Variants in FAM111B observed in about 807,000 individuals in gnomAD.
FAM111B encodes serine protease FAM111B.
A neutral mutation model predicts 2.8 loss-of-function variants in FAM111B; 1 was observed. That is an observed-to-expected ratio of 0.36 (90% CI 0.13 to 1.70). The LOEUF is 1.70. Among genes scored for constraint, FAM111B ranks in the 40% most tolerant of loss-of-function variants. The pLI is 0.35. For synonymous variants in FAM111B, 297 were observed against 295.6 expected, an observed-to-expected ratio of 1.00 and a Z score of -0.05; for missense variants, 882 against 878.9, an observed-to-expected ratio of 1.00 and a Z score of -0.04.
Position 59,125,909 on chromosome 11 carries a change from C to T in FAM111B, c.1812C>T (p.Asn604=), listed in dbSNP as rs773236890. 10 of 1,613,650 alleles carry T rather than the reference C, an allele frequency of 6.2e-6. No homozygotes were observed. The East Asian group carries it at 6.7e-5, about 11-fold the overall frequency. ...PLNERLKKYP[N]DCQDGLVDLY... is the part of the protein sequence containing the mutation. ...ACGAACGATTGAAAAAATATCCAAACGATTGTCAAGATGGGTTGGTAGATC... is the reference window on the plus strand; with the variant it reads ...ACGAACGATTGAAAAAATATCCAAATGATTGTCAAGATGGGTTGGTAGATC... The change falls in exon 4 of 4, where the codon AAC becomes AAT. Residue 604 remains asparagine (N), a synonymous_variant. Coordinates refer to ENST00000343597, the MANE Select transcript of FAM111B (RefSeq NM_198947.4).
chr11:59,111,033 A>G (rs1215372692), intron 3 of FAM111B, among the ~76,000 whole-genome samples: 1 of 152,188 alleles, frequency 6.6e-6, no homozygotes, highest in Non-Finnish European at 1.5e-5. Context: ...ATTCAGTGGT[A>G]TACAGTTTCT....
At position 59,125,772 on chromosome 11, in the gene FAM111B, C is replaced by T; in HGVS notation, c.1675C>T (p.Pro559Ser). The change falls in exon 4 of 4, where the codon CCA (proline) becomes TCA (serine). Residue 559 changes from proline to serine, a missense_variant. Physicochemically the swap from Pro to Ser is moderately conservative, Grantham distance 74. Coordinates refer to ENST00000343597, the MANE Select transcript of FAM111B (RefSeq NM_198947.4). ...AAAAGAAAATGGAAATGCGTTTCCT[C>T]CAGGACTATGGCGACAGATTTCTCC... ...KLKENGNAFP[P>S]GLWRQISPQP... 3.1e-6 allele frequency: 5 copies of T among 1,613,850 alleles called. No individual in the cohort carries two copies. The highest frequency in any genetic ancestry group is 4.2e-6 in the Non-Finnish European group (5 of 1,179,852).
rs117789191 is a variant in FAM111B at position 59,122,813 on chromosome 11, C to T, written c.82-1366C>T. ...ATGAGGTGATAGGAGAGCCCCAAGACGAAAAGGAAATCACTATTCCTAAGA... is the reference window on the plus strand; with the variant it reads ...ATGAGGTGATAGGAGAGCCCCAAGATGAAAAGGAAATCACTATTCCTAAGA... On this transcript the variant is annotated intron_variant, in intron 3 of 3. Transcript: ENST00000343597. 1.2e-3 allele frequency among the ~76,000 whole-genome samples: 190 copies of T among 152,186 alleles called. 1 individual carries two copies. Among genetic ancestry groups the T allele is most frequent in the Non-Finnish European group, 1.0e-3 (71 of 68,004 alleles).
chr11:59,118,776 C>A, intron 3 of FAM111B, among the ~76,000 whole-genome samples: 1 of 120,766 alleles, frequency 8.3e-6, no homozygotes, highest in Admixed American at 9.2e-5. Context: ...GTCAGGCTTA[C>A]CAAATACTTT....
At chr11:59,108,482 C>A (rs1026086073) in intron 1 of FAM111B, among the ~76,000 whole-genome samples, 186 bp from the exon 2 acceptor site, 6 of 152,158 alleles carry the variant, frequency 3.9e-5, no homozygotes, top group Non-Finnish European at 7.3e-5. Context: ...ATCTGGAATT[C>A]CTACTGGTTT....
chr11:59,125,047 T>G lies in FAM111B; in HGVS notation c.950T>G (p.Val317Gly). 1 of 1,613,262 alleles carries G rather than the reference T, an allele frequency of 6.2e-7. No individual in the cohort carries two copies. Among genetic ancestry groups the G allele is most frequent in the Non-Finnish European group, 8.5e-7 (1 of 1,179,776 alleles). Residue 317 changes from valine to glycine, a missense_variant, in exon 4 of 4, where the codon GTA becomes GGA. By Grantham distance (109) the Val-to-Gly change is moderately radical. Transcript: ENST00000343597. Reference protein sequence around the residue: ...KPKKDGETKDVEHSREQILPP... With the variant: ...KPKKDGETKDGEHSREQILPP... Reference sequence around the variant, plus strand: ...AAGAAAGATGGAGAGACCAAAGATGTAGAACACAGCAGAGAGCAAATTCTC... The same window carrying G: ...AAGAAAGATGGAGAGACCAAAGATGGAGAACACAGCAGAGAGCAAATTCTC...
chr11:59,124,217 T>C lies in FAM111B; in HGVS notation c.120T>C (p.Val40=). 6.2e-7 allele frequency: 1 copy of C among 1,613,646 alleles called. No homozygotes were observed. ...AGCAGACACATGCTGACACACCTGT[T>C]GATCATTGTCTATCTGGCATAAGAA... ...VMKQTHADTP[V]DHCLSGIRKC... The change falls in exon 4 of 4, where the codon GTT becomes GTC. Residue 40 remains valine (V), a synonymous_variant. Coordinates refer to ENST00000343597, the MANE Select transcript of FAM111B (RefSeq NM_198947.4).
At chr11:59,122,699 G>A (rs926054873) in intron 3 of FAM111B, among the ~76,000 whole-genome samples, 1 of 152,174 alleles carries the variant, frequency 6.6e-6, no homozygotes, top group Admixed American at 6.5e-5. Flanking sequence ...AAGAGTAGAT[G>A]TCAAAGAGGC....
intron 3 of FAM111B, among the ~76,000 whole-genome samples, chr11:59,119,128 G>C (rs961692662): frequency 6.6e-6 from 1 of 152,138 alleles, no homozygotes; most frequent in Non-Finnish European, 1.5e-5. Flanking sequence ...ATATTTTTGG[G>C]TAGCTGATTT....
Position 59,124,313 on chromosome 11 carries a change from A to G in FAM111B, c.216A>G (p.Pro72=). Reference sequence around the variant, plus strand: ...AAACAGCCCTTGAAATGCAGAATCCAAATTTGAACAATAAAGAATGTTGTT... The same window carrying G: ...AAACAGCCCTTGAAATGCAGAATCCGAATTTGAACAATAAAGAATGTTGTT... ...KHETALEMQN[P]NLNNKECCFT... The change falls in exon 4 of 4, where the codon CCA becomes CCG. Residue 72 remains proline, a synonymous_variant. Transcript: ENST00000343597. 6.2e-7 allele frequency: 1 copy of G among 1,613,910 alleles called. No homozygotes were observed. Among genetic ancestry groups the G allele is most frequent in the Non-Finnish European group, 8.5e-7 (1 of 1,179,826 alleles).
At position 59,126,064 on chromosome 11, in the gene FAM111B, A is replaced by G. The variant is rs1438803025; in HGVS notation, c.1967A>G (p.Asn656Ser). 6.2e-7 allele frequency: 1 copy of G among 1,613,844 alleles called. No homozygotes were observed. The highest frequency in any genetic ancestry group is 8.5e-7 in the Non-Finnish European group (1 of 1,179,814). Residue 656 changes from asparagine to serine, a missense_variant, in exon 4 of 4, where the codon AAT (asparagine) becomes AGT (serine). Coordinates refer to ENST00000343597, the MANE Select transcript of FAM111B (RefSeq NM_198947.4). The part of the protein sequence containing the change: ...SDGSSGSPVF[N>S]ASGKLVALHT... ...GGGTCCTCAGGCTCCCCAGTGTTTA[A>G]TGCATCTGGCAAATTGGTTGCTTTG...
At chr11:59,120,693 C>G (rs1409637653) in intron 3 of FAM111B, among the ~76,000 whole-genome samples, 1 of 152,154 alleles carries the variant, frequency 6.6e-6, no homozygotes, top group Non-Finnish European at 1.5e-5. Context: ...CTGTGTATGT[C>G]TATGTCTGTA....
chr11:59,110,884 A>G (rs1590887196), intron 3 of FAM111B, among the ~76,000 whole-genome samples: 1 of 152,212 alleles, frequency 6.6e-6, no homozygotes, highest in South Asian at 2.1e-4. Context: ...GTAAGGTAGT[A>G]TGGTGCCAAG....
At chr11:59,108,903 A>G (rs1179161520) in intron 2 of FAM111B, among the ~76,000 whole-genome samples, 191 bp downstream of exon 2, 1 of 152,132 alleles carries the variant, frequency 6.6e-6, no homozygotes, top group South Asian at 2.1e-4. Flanking sequence ...TTACATTCCT[A>G]TCAATATTCT....
Position 59,124,820 on chromosome 11 carries a change from A to G in FAM111B, c.723A>G (p.Lys241=), listed in dbSNP as rs2135404257. The G allele has an allele frequency of 6.2e-7, 1 of 1,613,920 alleles. No individual in the cohort carries two copies. The highest frequency in any genetic ancestry group is 1.1e-5 in the South Asian group (1 of 91,066). The change falls in exon 4 of 4, where the codon AAA becomes AAG. Residue 241 remains lysine (K), a synonymous_variant. Coordinates refer to ENST00000343597, the MANE Select transcript of FAM111B (RefSeq NM_198947.4). ...CTGACATAGGTGAATTTGAATGGAA[A>G]CTAAAGGAAGGTCATAAGAAAATTT... ...FRSDIGEFEW[K]LKEGHKKIYG... is the part of the protein sequence containing the mutation.
Position 59,109,680 on chromosome 11 carries a change from C to CA in FAM111B, c.56dup (p.Arg20GlufsTer3). The CA allele has an allele frequency of 1.2e-6, 2 of 1,611,994 alleles. No homozygotes were observed. The highest frequency in any genetic ancestry group is 1.7e-6 in the Non-Finnish European group (2 of 1,178,854). ...GTCATTTAGCGCTATGGAAGATGAC[C>CA]AGAGGACTAGACCTGAAGTTTCAAA... On this transcript the variant is annotated frameshift_variant, in exon 3 of 4. Coordinates refer to ENST00000343597, the MANE Select transcript of FAM111B (RefSeq NM_198947.4). LOFTEE classifies it low-confidence loss of function (END_TRUNC).
At chr11:59,114,806 G>A (rs1290749597) in intron 3 of FAM111B, among the ~76,000 whole-genome samples, 1 of 152,122 alleles carries the variant, frequency 6.6e-6, no homozygotes, top group Admixed American at 6.5e-5. Context: ...AATTGTGTGT[G>A]TTTGTGTGTG....
rs1216506307 is a variant in FAM111B, at chr11:59,110,777, TACACAGGAAA to T, written c.81+1075_81+1084del. ...AAGGAATGGCCTAAGTAAAGTCGTG[TACACAGGAAA>T]ACATATTTGGGGAACAGGATAGCTG... On this transcript the variant is annotated intron_variant, in intron 3 of 3. Transcript: ENST00000343597. Among the ~76,000 whole-genome samples the T allele has an allele frequency of 7.9e-5, 12 of 152,340 alleles. No individual in the cohort carries two copies. In the East Asian group the frequency reaches 1.9e-3, roughly 24 times the overall value.
chr11:59,111,470 T>A (rs1859757507), intron 3 of FAM111B, among the ~76,000 whole-genome samples: 1 of 152,208 alleles, frequency 6.6e-6, no homozygotes, highest in Non-Finnish European at 1.5e-5. Context: ...TAGGAGGAGT[T>A]ATTCAATTCA....
Sources: gnomAD v4.1 joint callset for allele counts (sites outside exome capture counted in the v4.1 genomes callset) on GRCh38, gnomAD v4.1.1 for gene constraint, MANE v1.5 for transcripts, NCBI Gene and HGNC (gene_info 2026-07-23, HGNC 2026-07-21) for gene names.